CHIC1: variants seen among roughly 807,000 people sequenced by gnomAD.
CHIC1 encodes cysteine-rich hydrophobic domain-containing protein 1.
A neutral mutation model predicts 18.5 loss-of-function variants in CHIC1; 7 were observed. That is an observed-to-expected ratio of 0.38 (90% CI 0.22 to 0.71). The LOEUF (loss-of-function observed/expected upper bound fraction) is 0.71, where lower values mean the gene tolerates loss of function less well. Among genes scored for constraint, CHIC1 ranks in the 30% least tolerant of loss-of-function variants. The pLI, the probability that CHIC1 is intolerant of heterozygous loss-of-function variation, is 0.49. For synonymous variants in CHIC1, 77 were observed against 73.5 expected, an observed-to-expected ratio of 1.05 and a Z score of -0.25; for missense variants, 159 against 176.9, an observed-to-expected ratio of 0.90 and a Z score of 0.57.
At chrX:73,656,322 A>T (rs1454215143) in intron 3 of CHIC1, among the ~76,000 whole-genome samples, 1 of 111,198 alleles carries the variant, frequency 9.0e-6, no homozygotes, top group Non-Finnish European at 1.9e-5. Flanking sequence ...CCATTTGTCA[A>T]TTTTTGCTTT....
chrX:73,641,958 G>A (rs1293278707), intron 3 of CHIC1, among the ~76,000 whole-genome samples: 1 of 111,497 alleles, frequency 9.0e-6, no homozygotes, highest in Non-Finnish European at 1.9e-5. Context: ...TTGCTATTGT[G>A]AATAGTGCCA....
chrX:73,615,159 C>T (rs971914077), intron 3 of CHIC1, among the ~76,000 whole-genome samples: 3 of 111,489 alleles, frequency 2.7e-5, no homozygotes, highest in Non-Finnish European at 5.6e-5. Context: ...TCTTTGATTC[C>T]TTTGGTGGCT....
At chrX:73,618,148 G>A (rs780852128) in intron 3 of CHIC1, among the ~76,000 whole-genome samples, 1 of 111,630 alleles carries the variant, frequency 9.0e-6, no homozygotes, top group South Asian at 3.8e-4. Flanking sequence ...AGGTCTCTCC[G>A]CCATGGATAG....
intron 5 of CHIC1, 24 bp downstream of exon 5, chrX:73,679,737 T>A: frequency 1.2e-6 from 1 of 837,749 alleles, no homozygotes; most frequent in Non-Finnish European, 1.6e-6. Flanking sequence ...TGTTTTTAAT[T>A]ATTTTTTTAT....
chrX:73,588,034 C>T (rs185132269), intron 3 of CHIC1, among the ~76,000 whole-genome samples: 2 of 111,694 alleles, frequency 1.8e-5, no homozygotes, highest in East Asian at 5.7e-4. Flanking sequence ...TGCAGAAGTA[C>T]AGTGATTGGT....
intron 3 of CHIC1, among the ~76,000 whole-genome samples, chrX:73,623,419 T>A (rs954615955): frequency 9.0e-6 from 1 of 111,117 alleles, no homozygotes; most frequent in Admixed American, 9.6e-5. Flanking sequence ...GTTGCATTGA[T>A]CCCTTTACCT....
At chrX:73,662,779 CTT>C (rs1341067294) in intron 3 of CHIC1, among the ~76,000 whole-genome samples, 1 of 110,697 alleles carries the variant, frequency 9.0e-6, no homozygotes, top group Non-Finnish European at 1.9e-5. Flanking sequence ...GATTAAACCT[CTT>C]AACTGTATTC....
chrX:73,656,264 GATA>G (rs1430466783), intron 3 of CHIC1, among the ~76,000 whole-genome samples: 14 of 111,628 alleles, frequency 1.3e-4, no homozygotes, highest in Non-Finnish European at 2.4e-4. Context: ...TGTTCACCCT[GATA>G]ATAGTTTATT....
intron 3 of CHIC1, among the ~76,000 whole-genome samples, chrX:73,599,413 A>T (rs28843723): frequency 0.31 from 24,299 of 78,802 alleles, 5,565 homozygotes; most frequent in East Asian, 0.91. Context: ...TGCCCATGCC[A>T]ATGTCCTGAA....
intron 4 of CHIC1, 33 bp downstream of exon 4, chrX:73,679,415 C>A: frequency 1.1e-6 from 1 of 925,032 alleles, no homozygotes; most frequent in Non-Finnish European, 1.5e-6. Flanking sequence ...GTGCCCCATT[C>A]ATATATTTGC....
At position 73,642,838 on chromosome X, in the gene CHIC1, C is replaced by T. The variant is rs898694460; in HGVS notation, c.508-36488C>T. ...CAAAGATCAGACAGTTGTAGATATGCGGTGTTATTTCTGAGGGCTCTGTTC... is the reference window on the plus strand; with the variant it reads ...CAAAGATCAGACAGTTGTAGATATGTGGTGTTATTTCTGAGGGCTCTGTTC... On this transcript the variant is annotated intron_variant, in intron 3 of 5. Transcript: ENST00000373502. Among the ~76,000 whole-genome samples, 9 of 106,956 alleles carry T rather than the reference C, an allele frequency of 8.4e-5. No homozygotes were observed. In the South Asian group the frequency reaches 3.0e-3, roughly 36 times the overall value. 92.9% of individuals were successfully genotyped at this position (106,956 alleles called of 115,157 possible).
intron 3 of CHIC1, among the ~76,000 whole-genome samples, chrX:73,647,050 G>C (rs781228852): frequency 8.9e-6 from 1 of 111,831 alleles, no homozygotes; most frequent in East Asian, 2.8e-4. Context: ...ATTTATTGAA[G>C]AGGATACACT....
chrX:73,658,148 G>T (rs186642712), intron 3 of CHIC1, among the ~76,000 whole-genome samples: 27 of 108,881 alleles, frequency 2.5e-4, no homozygotes, highest in African/African-American at 7.4e-4. Flanking sequence ...AAATTAGGGA[G>T]GAGTCTCTCC....
chrX:73,681,233 G>A lies in CHIC1; in HGVS notation c.*228G>A. Reference sequence around the variant, plus strand: ...CAATTTTAAATACACACACATGCGTGTGTGCATATACATATATAGATAGTT... The same window carrying A: ...CAATTTTAAATACACACACATGCGTATGTGCATATACATATATAGATAGTT... On this transcript the variant is annotated 3_prime_UTR_variant, in exon 6 of 6. Transcript: ENST00000373502. The A allele has an allele frequency of 5.9e-6, 2 of 339,197 alleles. No individual in the cohort carries two copies. The highest frequency in any genetic ancestry group is 5.0e-6 in the Non-Finnish European group (1 of 198,674). 28.0% of individuals were successfully genotyped at this position (339,197 alleles called of 1,213,427 possible).
chrX:73,592,563 T>C (rs1465503210), intron 3 of CHIC1, among the ~76,000 whole-genome samples: 1 of 111,237 alleles, frequency 9.0e-6, no homozygotes, highest in East Asian at 2.8e-4. Flanking sequence ...GCCTACTTGA[T>C]TGTGGAGAAT....
intron 3 of CHIC1, among the ~76,000 whole-genome samples, chrX:73,586,577 T>C (rs189543417): frequency 1.8e-5 from 2 of 112,114 alleles, no homozygotes; most frequent in Admixed American, 9.5e-5. Context: ...TAGACTATAA[T>C]AGTTTAATTG....
rs1193176626 is a variant in CHIC1, at chrX:73,684,532, T to C, written c.*3527T>C. The stretch of plus-strand genomic sequence containing the variant: ...TTGAACATAAAGCTCCCAAACAATA[T>C]TGTATTAAAATGTACTATATTGACC... On this transcript the variant is annotated 3_prime_UTR_variant, in exon 6 of 6. Coordinates refer to ENST00000373502, the MANE Select transcript of CHIC1 (RefSeq NM_001039840.4). 1 of 111,512 alleles carries C rather than the reference T, an allele frequency of 9.0e-6. No individual in the cohort carries two copies. Among genetic ancestry groups the C allele is most frequent in the Non-Finnish European group, 1.9e-5 (1 of 52,833 alleles). 9.2% of individuals were successfully genotyped at this position (111,512 alleles called of 1,213,427 possible). A position where few individuals can be genotyped will look rare whatever the true frequency, so the allele number is the denominator to read the frequency against.
rs1429682624 is a variant in CHIC1 at position 73,632,791 on chromosome X, C to T, written c.508-46535C>T. Among the ~76,000 whole-genome samples, 322 of 59,760 alleles carry T rather than the reference C, an allele frequency of 5.4e-3. 1 individual carries two copies. Among genetic ancestry groups the T allele is most frequent in the Admixed American group, 8.2e-3 (29 of 3,537 alleles). The allele number at this position is 59,760 out of a possible 115,157, so 51.9% of individuals were successfully genotyped here. Reference sequence around the variant, plus strand: ...TTTTTTTTTTTTTTTTTTTTTGAGTCGGAGTTTCGCTCTGTCACCCAGGCT... The same window carrying T: ...TTTTTTTTTTTTTTTTTTTTTGAGTTGGAGTTTCGCTCTGTCACCCAGGCT... On this transcript the variant is annotated intron_variant, in intron 3 of 5. Transcript: ENST00000373502.
At chrX:73,603,742 G>A (rs1419894318) in intron 3 of CHIC1, among the ~76,000 whole-genome samples, 1 of 108,689 alleles carries the variant, frequency 9.2e-6, no homozygotes, top group Non-Finnish European at 1.9e-5. Flanking sequence ...GGCCTTTTCT[G>A]CATCTATTGA....
Sources: gnomAD v4.1 joint callset for allele counts (sites outside exome capture counted in the v4.1 genomes callset) on GRCh38, gnomAD v4.1.1 for gene constraint, MANE v1.5 for transcripts, NCBI Gene and HGNC (gene_info 2026-07-23, HGNC 2026-07-21) for gene names.